The following CNTN5 variants were observed in gnomAD, a reference collection of about 807,000 sequenced individuals.
The protein encoded by CNTN5 is contactin-5.
A neutral mutation model predicts 129.1 loss-of-function variants in CNTN5; 77 were observed. The ratio of observed to expected loss-of-function variants is 0.60; its 90% CI spans 0.50 to 0.72. The LOEUF (loss-of-function observed/expected upper bound fraction) is 0.72, where lower values mean the gene tolerates loss of function less well. Ranked by LOEUF, CNTN5 falls within the 30% of genes least tolerant of loss-of-function variation. The probability of loss-of-function intolerance (pLI) is 0.00; values close to 1 mark genes in which losing one functional copy is unlikely to be tolerated. For missense variants in CNTN5, 1,478 were observed against 1,328.8 expected (o/e 1.11, Z -1.75); for synonymous variants, 509 against 465.6 (o/e 1.09, Z -1.20).
chr11:99,451,523 T>C (rs1460625323), intron 2 of CNTN5, among the ~76,000 whole-genome samples: 3 of 152,306 alleles, frequency 2.0e-5, no homozygotes, highest in African/African-American at 7.2e-5. Context: ...AAATATGTAG[T>C]ATTCACTACA....
intron 3 of CNTN5, among the ~76,000 whole-genome samples, chr11:99,592,299 A>G (rs562404876): frequency 6.6e-6 from 1 of 152,340 alleles, no homozygotes; most frequent in East Asian, 1.9e-4. Flanking sequence ...AGAAGTTCCT[A>G]TAAAATCTGC....
chr11:99,990,798 T>A (rs1939033257), intron 8 of CNTN5, among the ~76,000 whole-genome samples: 1 of 152,196 alleles, frequency 6.6e-6, no homozygotes. Context: ...CATATTTATT[T>A]GAATACAGTT....
chr11:100,135,834 T>C (rs1015151130), intron 13 of CNTN5, among the ~76,000 whole-genome samples: 2 of 152,126 alleles, frequency 1.3e-5, no homozygotes, highest in Non-Finnish European at 2.9e-5. Flanking sequence ...TATGATCTCT[T>C]GTTTCTATTT....
chr11:99,907,389 T>A (rs950588354), intron 6 of CNTN5, among the ~76,000 whole-genome samples: 1 of 152,010 alleles, frequency 6.6e-6, no homozygotes, highest in Non-Finnish European at 1.5e-5. Flanking sequence ...CAGAGCACCG[T>A]CAGGAGGTTG....
At chr11:100,331,782 C>A (rs554153473) in intron 21 of CNTN5, among the ~76,000 whole-genome samples, 6 of 151,974 alleles carry the variant, frequency 3.9e-5, no homozygotes, top group African/African-American at 1.4e-4. Flanking sequence ...ATTCTTTGAA[C>A]TAAATGATAG....
At chr11:99,241,623 G>T (rs564610528) in intron 1 of CNTN5, among the ~76,000 whole-genome samples, 2 of 152,046 alleles carry the variant, frequency 1.3e-5, no homozygotes, top group Admixed American at 6.5e-5. Flanking sequence ...TTGGCTGTCC[G>T]TTTTTAAAAT....
chr11:99,757,704 T>A (rs1415517506), intron 3 of CNTN5, among the ~76,000 whole-genome samples: 1 of 151,998 alleles, frequency 6.6e-6, no homozygotes, highest in African/African-American at 2.4e-5. Context: ...ATACACAATA[T>A]CTTATGTAAA....
At chr11:100,028,138 A>AGTT (rs1341081242) in intron 9 of CNTN5, among the ~76,000 whole-genome samples, 1 of 152,202 alleles carries the variant, frequency 6.6e-6, no homozygotes, top group South Asian at 2.1e-4. Context: ...TCTCAGAAAG[A>AGTT]GTTTAAAACA....
At chr11:99,957,615 T>C (rs896301560) in intron 8 of CNTN5, among the ~76,000 whole-genome samples, 5 of 152,172 alleles carry the variant, frequency 3.3e-5, no homozygotes, top group Admixed American at 6.5e-5. Context: ...CATTAAAGAA[T>C]TCAAGTGCTA....
At chr11:99,372,397 A>G (rs1312530102) in intron 2 of CNTN5, among the ~76,000 whole-genome samples, 2 of 152,242 alleles carry the variant, frequency 1.3e-5, no homozygotes, top group African/African-American at 2.4e-5. Flanking sequence ...TTTAGAGTGT[A>G]ACACACATGT....
At chr11:99,401,146 A>G (rs1941785650) in intron 2 of CNTN5, among the ~76,000 whole-genome samples, 1 of 152,070 alleles carries the variant, frequency 6.6e-6, no homozygotes, top group African/African-American at 2.4e-5. Flanking sequence ...TACTCAAAAA[A>G]TCTTTTCCAG....
chr11:99,923,547 A>C (rs1379762473), intron 7 of CNTN5, among the ~76,000 whole-genome samples: 2 of 152,208 alleles, frequency 1.3e-5, no homozygotes, highest in African/African-American at 2.4e-5. Context: ...GAAATATTCA[A>C]AAGCTTACGT....
chr11:99,092,932 T>G (rs2135323646), intron 1 of CNTN5, among the ~76,000 whole-genome samples: 1 of 152,192 alleles, frequency 6.6e-6, no homozygotes, highest in African/African-American at 2.4e-5. Flanking sequence ...ACATTAACTG[T>G]TTAAGAAACT....
intron 2 of CNTN5, among the ~76,000 whole-genome samples, chr11:99,436,559 A>C (rs777629958): frequency 9.9e-5 from 15 of 152,128 alleles, no homozygotes; most frequent in Admixed American, 2.6e-4. Context: ...TGTTCATCTC[A>C]AGATCGTGTT....
At chr11:99,792,725 G>C (rs1389047886) in intron 3 of CNTN5, among the ~76,000 whole-genome samples, 1 of 152,074 alleles carries the variant, frequency 6.6e-6, no homozygotes, top group Non-Finnish European at 1.5e-5. Flanking sequence ...TTATACATCT[G>C]GCAGAATTAA....
intron 1 of CNTN5, among the ~76,000 whole-genome samples, chr11:99,113,991 T>A (rs552923587): frequency 6.6e-5 from 10 of 152,312 alleles, no homozygotes; most frequent in African/African-American, 2.4e-4. Context: ...TAAGTTACGC[T>A]TATCTATTAG....
chr11:99,059,037 C>G (rs944850134), intron 1 of CNTN5, among the ~76,000 whole-genome samples: 1 of 148,202 alleles, frequency 6.7e-6, no homozygotes, highest in African/African-American at 2.5e-5. Flanking sequence ...TTATCCCTCC[C>G]TCCCTCCCTC....
At chr11:100,041,535 T>G (rs971569261) in intron 9 of CNTN5, among the ~76,000 whole-genome samples, 4 of 152,210 alleles carry the variant, frequency 2.6e-5, no homozygotes, top group African/African-American at 9.6e-5. Context: ...CAAGGCTGCT[T>G]TGGCATGTGA....
intron 1 of CNTN5, among the ~76,000 whole-genome samples, chr11:99,262,608 TTTTC>T (rs1862690910): frequency 6.6e-6 from 1 of 151,716 alleles, no homozygotes; most frequent in Non-Finnish European, 1.5e-5. Flanking sequence ...TTCTTTTTTT[TTTTC>T]TCTCTCTTTT....
Sources: allele counts gnomAD v4.1 joint callset (sites outside exome capture counted in the v4.1 genomes callset), GRCh38; gene constraint gnomAD v4.1.1; transcripts MANE v1.5; gene names NCBI Gene and HGNC (gene_info 2026-07-23, HGNC 2026-07-21).